PEX5: variants seen among roughly 807,000 people sequenced by gnomAD.
PEX5 encodes PTS1 receptor.
In PEX5, 52 loss-of-function variants were observed where a neutral mutation model predicts 82.9. The observed-to-expected ratio is 0.63, with a 90% CI of 0.50 to 0.79. PEX5 has a LOEUF of 0.79. PEX5 is among the 30% of genes least tolerant of loss of function. The pLI is 0.00. For synonymous variants in PEX5, 300 were observed against 318.8 expected, an observed-to-expected ratio of 0.94 and a Z score of 0.63; for missense variants, 719 against 815.2, an observed-to-expected ratio of 0.88 and a Z score of 1.44.
downstream of PEX5, chr12:7,212,635 C>T (rs1016446720): frequency 2.6e-4 from 40 of 151,874 alleles, no homozygotes; most frequent in Admixed American, 7.2e-4. Flanking sequence ...AATGGTTGGT[C>T]AATTATTTAC....
At chr12:7,191,396 C>T (rs747484322) in intron 4 of PEX5, 38 bp downstream of exon 4, 5 of 1,613,948 alleles carry the variant, frequency 3.1e-6, no homozygotes, top group African/African-American at 1.3e-5. Context: ...GATCGTTTTC[C>T]ATGTAGCCAG....
At chr12:7,201,294 TACACACATACAC>T (rs1943973386) in intron 6 of PEX5, among the ~76,000 whole-genome samples, 1 of 97,962 alleles carries the variant, frequency 1.0e-5, no homozygotes, top group South Asian at 3.5e-4. Flanking sequence ...CATACATGTA[TACACACATACAC>T]ATACACATGT....
At chr12:7,200,276 C>G (rs1284798549) in intron 6 of PEX5, among the ~76,000 whole-genome samples, 2 of 151,102 alleles carry the variant, frequency 1.3e-5, no homozygotes, top group Non-Finnish European at 2.9e-5. Flanking sequence ...AGGCGCTCCT[C>G]ACATCTCAGA....
chr12:7,214,174 A>C (rs1945711061), downstream of PEX5, among the ~76,000 whole-genome samples: 1 of 152,210 alleles, frequency 6.6e-6, no homozygotes, highest in South Asian at 2.1e-4. Context: ...GTGATTCCTC[A>C]GGGATCTAGA....
At chr12:7,214,108 C>T (rs781133942), downstream of PEX5, among the ~76,000 whole-genome samples, 1 of 152,128 alleles carries the variant, frequency 6.6e-6, no homozygotes. Flanking sequence ...AATAGGAACA[C>T]TTTTACACTG....
At position 7,210,549 on chromosome 12, in the gene PEX5, C is replaced by T. The variant is rs1211185476; in HGVS notation, c.*326C>T. On this transcript the variant is annotated 3_prime_UTR_variant, in exon 16 of 16. Transcript: ENST00000675855. Reference sequence around the variant, plus strand: ...TAGGGTAACTGTTATCATCAGCTGCCATTTCTGATAGGGTCTACCACATCT... The same window carrying T: ...TAGGGTAACTGTTATCATCAGCTGCTATTTCTGATAGGGTCTACCACATCT... 1.1e-5 allele frequency: 5 copies of T among 449,854 alleles called. No individual in the cohort carries two copies. In the East Asian group the frequency reaches 1.9e-4, roughly 17 times the overall value. The allele number at this position is 449,854 out of a possible 1,614,324, so 27.9% of individuals were successfully genotyped here.
At chr12:7,192,686 T>A (rs1327777207) in intron 5 of PEX5, among the ~76,000 whole-genome samples, 4 of 151,728 alleles carry the variant, frequency 2.6e-5, no homozygotes, top group African/African-American at 9.7e-5. Context: ...ATCATCATGG[T>A]TCCTGAATTT....
chr12:7,200,714 C>G (rs1943754479), intron 6 of PEX5, among the ~76,000 whole-genome samples: 2 of 152,148 alleles, frequency 1.3e-5, no homozygotes, highest in Non-Finnish European at 2.9e-5. Flanking sequence ...ACAGCGAAAC[C>G]CCGTCTCCAC....
At chr12:7,217,635 T>G (rs1188586388) in intron 17 of PEX5, among the ~76,000 whole-genome samples, 1 of 152,250 alleles carries the variant, frequency 6.6e-6, no homozygotes, top group East Asian at 1.9e-4. Flanking sequence ...AGGCTCTGCC[T>G]TTGGTCCCAC....
downstream of PEX5, among the ~76,000 whole-genome samples, chr12:7,215,495 G>C (rs1364855801): frequency 6.6e-6 from 1 of 152,186 alleles, no homozygotes; most frequent in Non-Finnish European, 1.5e-5. Flanking sequence ...CAACCTGGAT[G>C]CCCATCAATG....
chr12:7,198,429 T>A (rs1368508856), intron 5 of PEX5, among the ~76,000 whole-genome samples: 3 of 152,128 alleles, frequency 2.0e-5, no homozygotes, highest in Non-Finnish European at 2.9e-5. Context: ...ACATTTCAAT[T>A]AAAAAATGAA....
At chr12:7,201,690 G>A in intron 6 of PEX5, 61 bp from the exon 7 acceptor site, 1 of 1,145,472 alleles carries the variant, frequency 8.7e-7, no homozygotes, top group South Asian at 1.2e-5. Flanking sequence ...CTAGGAGTGG[G>A]GAGTAGCATG....
At chr12:7,193,726 G>C (rs964934033) in intron 5 of PEX5, among the ~76,000 whole-genome samples, 2 of 152,202 alleles carry the variant, frequency 1.3e-5, no homozygotes, top group African/African-American at 2.4e-5. Flanking sequence ...TATGAGCGTT[G>C]AGATGGATGA....
Position 7,208,614 on chromosome 12 carries a change from G to A in PEX5, c.1339G>A (p.Ala447Thr). 1.2e-6 allele frequency: 2 copies of A among 1,614,158 alleles called. No individual in the cohort carries two copies. The highest frequency in any genetic ancestry group is 1.1e-5 in the South Asian group (1 of 91,088). ...AHLVTPAEEG[A>T]GGAGLGPSKR... Reference sequence around the variant, plus strand: ...TCTGGTGACACCTGCTGAAGAAGGGGCTGGTGGGGCAGGACTGGGCCCCAG... The same window carrying A: ...TCTGGTGACACCTGCTGAAGAAGGGACTGGTGGGGCAGGACTGGGCCCCAG... Residue 447 changes from alanine (A) to threonine (T), a missense_variant, in exon 13 of 16, where the codon GCT (alanine) becomes ACT (threonine). Physicochemically the swap from Ala to Thr is moderately conservative, Grantham distance 58 (BLOSUM62 0). Coordinates refer to ENST00000675855, the MANE Select transcript of PEX5 (RefSeq NM_001351132.2).
At chr12:7,212,482 A>AC (rs1261621764), downstream of PEX5, among the ~76,000 whole-genome samples, 38 of 57,962 alleles carry the variant, frequency 6.6e-4, no homozygotes, top group East Asian at 1.0e-2. Flanking sequence ...AAAAAAAAAA[A>AC]AAAAAACCCA....
chr12:7,198,909 G>A, intron 5 of PEX5, 102 bp from the exon 6 acceptor site: 1 of 675,830 alleles, frequency 1.5e-6, no homozygotes, highest in Non-Finnish European at 2.7e-6. Flanking sequence ...GTCTGCTTTG[G>A]TGTGGCTAAG....
At position 7,211,300 on chromosome 12, in the gene PEX5, G is replaced by A. The variant is rs1171905331; in HGVS notation, c.*1077G>A. On this transcript the variant is annotated 3_prime_UTR_variant, in exon 16 of 16. Coordinates refer to ENST00000675855, the MANE Select transcript of PEX5 (RefSeq NM_001351132.2). ...GGGAGATACACTAACCCCCAGAAAT[G>A]ACTGCTAAGCCTCTTGCCTTGTCTT... The A allele has an allele frequency of 6.6e-6, 1 of 152,440 alleles. No individual in the cohort carries two copies. Among genetic ancestry groups the A allele is most frequent in the Non-Finnish European group, 1.5e-5 (1 of 68,020 alleles). The allele number at this position is 152,440 out of a possible 1,614,324, so 9.4% of individuals were successfully genotyped here. A position where few individuals can be genotyped will look rare whatever the true frequency, so the allele number is the denominator to read the frequency against.
chr12:7,212,157 G>T (rs892112206), downstream of PEX5, among the ~76,000 whole-genome samples: 1 of 151,674 alleles, frequency 6.6e-6, no homozygotes, highest in East Asian at 1.9e-4. Context: ...TAGAGACAGG[G>T]TTTCATCATG....
downstream of PEX5, among the ~76,000 whole-genome samples, chr12:7,213,635 C>G (rs796145940): frequency 5.0e-3 from 739 of 148,900 alleles, 4 homozygotes; most frequent in Middle Eastern, 0.024. Context: ...AGAAGAAAAC[C>G]TAGGCATTAC....
Sources: gnomAD v4.1 joint callset for allele counts (sites outside exome capture counted in the v4.1 genomes callset) on GRCh38, gnomAD v4.1.1 for gene constraint, MANE v1.5 for transcripts, NCBI Gene and HGNC (gene_info 2026-07-23, HGNC 2026-07-21) for gene names.